Variants in CNOT1 observed in about 807,000 individuals in gnomAD.
CNOT1 encodes the protein CCR4-NOT transcription complex subunit 1.
A neutral mutation model predicts 273.8 loss-of-function variants in CNOT1; 15 were observed. That is an observed-to-expected ratio of 0.05 (90% CI 0.04 to 0.08). The LOEUF (loss-of-function observed/expected upper bound fraction) is 0.08, where lower values mean the gene tolerates loss of function less well. CNOT1 is among the 10% of genes least tolerant of loss of function. The probability of loss-of-function intolerance (pLI) is 1.00; values close to 1 mark genes in which losing one functional copy is unlikely to be tolerated. For synonymous variants in CNOT1, 1,022 were observed against 1,005.5 expected (o/e 1.02, Z -0.31); for missense variants, 1,644 against 2,912.2 (o/e 0.56, Z 10.02).
At chr16:58,572,989 T>C (rs1035605730) in intron 16 of CNOT1, among the ~76,000 whole-genome samples, 3 of 149,982 alleles carry the variant, frequency 2.0e-5, no homozygotes, top group Admixed American at 2.0e-4. Flanking sequence ...AGATGTACAC[T>C]GAAAATGAAA....
At chr16:58,536,648 G>GT (rs2151910178) in intron 39 of CNOT1, among the ~76,000 whole-genome samples, 1 of 151,774 alleles carries the variant, frequency 6.6e-6, no homozygotes, top group Admixed American at 6.6e-5. Flanking sequence ...GTGGGCTACT[G>GT]TGAGAATTTT....
In CNOT1 at chr16:58,543,210, G is replaced by A. The variant is rs377119069; in HGVS notation, c.4434+397C>T. The A allele has an allele frequency of 1.8e-4, 267 of 1,510,526 alleles. 2 individuals are homozygous for A. The South Asian group carries it at 3.1e-3, about 17-fold the overall frequency. The allele number at this position is 1,510,526 out of a possible 1,614,324, so 93.6% of individuals were successfully genotyped here. ...GATATCTGAGACTCAAAACTAGTAA[G>A]TGAATTATTTGAAAAGTGTGTGCAC... On this transcript the variant is annotated intron_variant, in intron 31 of 48. Coordinates refer to ENST00000317147, the MANE Select transcript of CNOT1 (RefSeq NM_016284.5).
chr16:58,574,814 G>C, intron 15 of CNOT1, 54 bp from the exon 16 acceptor site: 1 of 1,575,848 alleles, frequency 6.3e-7, no homozygotes, highest in Non-Finnish European at 8.5e-7. Flanking sequence ...AAATGTTTTT[G>C]GATTAAAGAT....
At chr16:58,534,432 AAC>A (rs774748576) in intron 39 of CNOT1, 37 bp from the exon 40 acceptor site, 1 of 1,602,252 alleles carries the variant, frequency 6.2e-7, no homozygotes, top group Admixed American at 1.7e-5. Context: ...ACAATGAGGT[AAC>A]ACACACAAAT....
At chr16:58,521,075 G>C in intron 48 of CNOT1, 39 bp from the exon 49 acceptor site, 2 of 1,613,830 alleles carry the variant, frequency 1.2e-6, no homozygotes, top group Non-Finnish European at 1.7e-6. Context: ...TGATTAAAGA[G>C]TAGGCCTAAC....
chr16:58,541,737 T>A, intron 33 of CNOT1, 117 bp from the exon 34 acceptor site: 2 of 967,176 alleles, frequency 2.1e-6, no homozygotes, highest in Non-Finnish European at 3.2e-6. Flanking sequence ...TTACAACATA[T>A]AACAGCATGA....
intron 2 of CNOT1, among the ~76,000 whole-genome samples, chr16:58,596,852 C>A (rs2042272430): frequency 7.6e-6 from 1 of 131,408 alleles, no homozygotes; most frequent in Admixed American, 9.1e-5. Context: ...CGCGCCACTG[C>A]ACTCCAGCCT....
intron 35 of CNOT1, 103 bp downstream of exon 35, chr16:58,539,665 T>C (rs890821949): frequency 3.1e-5 from 37 of 1,192,576 alleles, no homozygotes; most frequent in Non-Finnish European, 3.2e-5. Flanking sequence ...TGATTTATAT[T>C]ATGAAATCTT....
chr16:58,599,052 A>C (rs1257752566), intron 2 of CNOT1, 184 bp downstream of exon 2: 2 of 233,242 alleles, frequency 8.6e-6, no homozygotes, highest in East Asian at 8.0e-4. Context: ...CTCTGTCTCA[A>C]AAAAAAAAAA....
chr16:58,555,174 C>A, intron 21 of CNOT1, 77 bp downstream of exon 21: 1 of 1,558,808 alleles, frequency 6.4e-7, no homozygotes, highest in Middle Eastern at 1.7e-4. Flanking sequence ...CGCCACTGCA[C>A]TCCAGCCTGG....
chr16:58,618,749 C>G (rs2043189990), intron 1 of CNOT1, among the ~76,000 whole-genome samples: 1 of 151,612 alleles, frequency 6.6e-6, no homozygotes, highest in Non-Finnish European at 1.5e-5. Flanking sequence ...TCAAACGGCA[C>G]ATTACCTGTC....
chr16:58,596,952 G>A (rs1167894202), intron 2 of CNOT1, among the ~76,000 whole-genome samples: 6 of 148,322 alleles, frequency 4.0e-5, no homozygotes, highest in African/African-American at 1.5e-4. Context: ...TACCCCAGAG[G>A]ACACAAGGGT....
intron 1 of CNOT1, among the ~76,000 whole-genome samples, chr16:58,617,975 G>C (rs1372727379): frequency 1.3e-5 from 2 of 152,100 alleles, no homozygotes; most frequent in Non-Finnish European, 2.9e-5. Flanking sequence ...TACTGCACTA[G>C]AGCGTGGGTA....
chr16:58,601,742 A>AAAAAAAAAAAAAC (rs2042473447), intron 1 of CNOT1, among the ~76,000 whole-genome samples: 1 of 149,580 alleles, frequency 6.7e-6, no homozygotes, highest in Non-Finnish European at 1.5e-5. Flanking sequence ...CTTAAAAAAA[A>AAAAAAAAAAAAAC]AAAAAAAAAA....
At chr16:58,589,075 A>G (rs2041967083) in intron 2 of CNOT1, among the ~76,000 whole-genome samples, 169 bp from the exon 3 acceptor site, 1 of 152,070 alleles carries the variant, frequency 6.6e-6, no homozygotes. Flanking sequence ...ATAATTTATA[A>G]CTCAATTTTT....
chr16:58,557,525 G>C (rs2040672167), intron 18 of CNOT1, among the ~76,000 whole-genome samples: 1 of 152,170 alleles, frequency 6.6e-6, no homozygotes, highest in Non-Finnish European at 1.5e-5. Context: ...CTAGATTAGA[G>C]TCAATGACAA....
chr16:58,531,684 A>C (rs1326817545), intron 42 of CNOT1, among the ~76,000 whole-genome samples: 1 of 147,428 alleles, frequency 6.8e-6, no homozygotes, highest in Non-Finnish European at 1.5e-5. Flanking sequence ...AACATTTTAA[A>C]AGAAAGAAAG....
chr16:58,524,249 CAAA>C (rs35148544), intron 46 of CNOT1, among the ~76,000 whole-genome samples: 6 of 82,374 alleles, frequency 7.3e-5, no homozygotes, highest in Non-Finnish European at 9.2e-5. Context: ...GACTCTATCG[CAAA>C]AAAAAAAAAA....
chr16:58,566,533 G>A (rs1272311362), intron 16 of CNOT1, among the ~76,000 whole-genome samples: 1 of 152,214 alleles, frequency 6.6e-6, no homozygotes, highest in African/African-American at 2.4e-5. Flanking sequence ...ATGTATAAAT[G>A]TAAAAGGTTA....
Sources: gnomAD v4.1 joint callset for allele counts (sites outside exome capture counted in the v4.1 genomes callset) on GRCh38, gnomAD v4.1.1 for gene constraint, MANE v1.5 for transcripts, NCBI Gene and HGNC (gene_info 2026-07-23, HGNC 2026-07-21) for gene names.